ABCB1: variants seen among roughly 807,000 people sequenced by gnomAD.
ABCB1 encodes ATP binding cassette subfamily B member 1.
A neutral mutation model predicts 142.0 loss-of-function variants in ABCB1; 69 were observed. The ratio of observed to expected loss-of-function variants is 0.49; its 90% CI spans 0.40 to 0.59. ABCB1 has a LOEUF of 0.59. Ranked by LOEUF, ABCB1 falls within the 20% of genes least tolerant of loss-of-function variation. The pLI, the probability that ABCB1 is intolerant of heterozygous loss-of-function variation, is 0.00. For synonymous variants in ABCB1, 532 were observed against 539.2 expected (o/e 0.99, Z 0.18); for missense variants, 1,326 against 1,554.7 (o/e 0.85, Z 2.47).
rs577945175 is a variant in ABCB1 at position 87,702,006 on chromosome 7, G to A, written c.-331+11155C>T. Among the ~76,000 whole-genome samples the A allele has an allele frequency of 5.8e-4, 88 of 151,700 alleles. No individual in the cohort carries two copies. The South Asian group carries it at 9.8e-3, about 17-fold the overall frequency. On this transcript the variant is annotated intron_variant, in intron 1 of 28. Coordinates refer to the ABCB1 transcript ENST00000265724. The stretch of plus-strand genomic sequence containing the variant: ...AAAATATAAAAAATTAGCCAGGCGT[G>A]GTGGTGGGCACCTGTAATCCCAGCT...
intron 8 of ABCB1, among the ~76,000 whole-genome samples, chr7:87,556,394 T>C (rs1278896185): frequency 6.6e-6 from 1 of 152,188 alleles, no homozygotes; most frequent in Non-Finnish European, 1.5e-5. Context: ...GAATGGAATT[T>C]ATTTTAACTT....
rs185988672 is a variant in ABCB1 at position 87,550,890 on chromosome 7, T to A, written c.1000-52A>T. On this transcript the variant is annotated intron_variant, in intron 9 of 27. Transcript: ENST00000622132. ...GGCTACTGAGATAGTGACAGCAATT[T>A]TTTTTCATACTTCTTCTGTCTTTTT... is the stretch of plus-strand genomic sequence containing the variant. 4.5e-6 allele frequency: 5 copies of A among 1,122,868 alleles called. No individual in the cohort carries two copies. In the East Asian group the frequency reaches 1.2e-4, roughly 26 times the overall value. The allele number at this position is 1,122,868 out of a possible 1,614,324, so 69.6% of individuals were successfully genotyped here.
At chr7:87,553,306 AT>A (rs1817161419) in intron 9 of ABCB1, among the ~76,000 whole-genome samples, 1 of 143,298 alleles carries the variant, frequency 7.0e-6, no homozygotes, top group Non-Finnish European at 1.5e-5. Flanking sequence ...GATGCATCTA[AT>A]TTTTTTCCAC....
At chr7:87,547,298 T>C (rs1816824237) in intron 14 of ABCB1, among the ~76,000 whole-genome samples, 1 of 152,340 alleles carries the variant, frequency 6.6e-6, no homozygotes, top group East Asian at 1.9e-4. Flanking sequence ...TCAATTTTTG[T>C]ATCTTTTTAA....
chr7:87,514,294 C>T (rs1402522416), intron 25 of ABCB1, among the ~76,000 whole-genome samples: 1 of 152,164 alleles, frequency 6.6e-6, no homozygotes, highest in Non-Finnish European at 1.5e-5. Flanking sequence ...TTTTAAATAT[C>T]ACTTCTCAGT....
At chr7:87,645,453 A>G (rs1822907755) in intron 1 of ABCB1, among the ~76,000 whole-genome samples, 1 of 152,128 alleles carries the variant, frequency 6.6e-6, no homozygotes, top group African/African-American at 2.4e-5. Flanking sequence ...AATCTTTTTA[A>G]ATAGAGACAT....
At chr7:87,589,607 G>T (rs540018382) in intron 3 of ABCB1, among the ~76,000 whole-genome samples, 72 of 152,092 alleles carry the variant, frequency 4.7e-4, no homozygotes, top group African/African-American at 1.6e-3. Flanking sequence ...CAACATAGGA[G>T]ACCCTCTCTC....
chr7:87,537,496 G>GGCTT (rs1278439826), intron 19 of ABCB1, among the ~76,000 whole-genome samples: 2 of 152,176 alleles, frequency 1.3e-5, no homozygotes, highest in African/African-American at 2.4e-5. Flanking sequence ...AGTCAAAGAT[G>GGCTT]GCTTCAAGGT....
At chr7:87,644,413 G>A (rs1430605536) in intron 1 of ABCB1, among the ~76,000 whole-genome samples, 1 of 152,188 alleles carries the variant, frequency 6.6e-6, no homozygotes, top group Non-Finnish European at 1.5e-5. Context: ...TAACAGCAAT[G>A]ACATATAATA....
At chr7:87,663,260 T>C (rs1194128840) in intron 1 of ABCB1, among the ~76,000 whole-genome samples, 4 of 152,130 alleles carry the variant, frequency 2.6e-5, no homozygotes, top group Non-Finnish European at 1.5e-5. Flanking sequence ...ATCCCTCTTA[T>C]TTTATTGTAA....
chr7:87,602,292 C>CTTTT (rs59849542), upstream of ABCB1, among the ~76,000 whole-genome samples: 51 of 92,390 alleles, frequency 5.5e-4, no homozygotes, highest in African/African-American at 1.5e-3. Context: ...AGCTCGGCCT[C>CTTTT]TTTTTTTTTT....
chr7:87,671,011 A>G (rs188175105), intron 1 of ABCB1, among the ~76,000 whole-genome samples: 1 of 152,174 alleles, frequency 6.6e-6, no homozygotes, highest in African/African-American at 2.4e-5. Flanking sequence ...GCAGCAGAGA[A>G]AGGGATCTTA....
intron 1 of ABCB1, among the ~76,000 whole-genome samples, chr7:87,712,255 G>A (rs190263502): frequency 6.6e-6 from 1 of 152,030 alleles, no homozygotes; most frequent in Admixed American, 6.6e-5. Context: ...CATGACACTC[G>A]AGATATTTCT....
chr7:87,696,450 T>C (rs1041218220), intron 1 of ABCB1, among the ~76,000 whole-genome samples: 1 of 152,194 alleles, frequency 6.6e-6, no homozygotes, highest in African/African-American at 2.4e-5. Context: ...ATATCGCAGA[T>C]AACTCATTGA....
chr7:87,631,285 G>C (rs1821190740), intron 1 of ABCB1, among the ~76,000 whole-genome samples: 1 of 152,170 alleles, frequency 6.6e-6, no homozygotes, highest in African/African-American at 2.4e-5. Context: ...GACAAATTAA[G>C]AAAAATGAAT....
intron 8 of ABCB1, among the ~76,000 whole-genome samples, chr7:87,560,511 A>G (rs1181029169): frequency 6.6e-6 from 1 of 152,174 alleles, no homozygotes; most frequent in Non-Finnish European, 1.5e-5. Flanking sequence ...GCTAACCATT[A>G]TTCTGATTTC....
intron 17 of ABCB1, among the ~76,000 whole-genome samples, chr7:87,543,187 A>G (rs1816615446): frequency 6.6e-6 from 1 of 152,142 alleles, no homozygotes; most frequent in African/African-American, 2.4e-5. Context: ...CCAGCTACAC[A>G]GGAGGCTGAG....
chr7:87,534,035 G>A (rs1335513212), intron 20 of ABCB1, among the ~76,000 whole-genome samples: 1 of 152,158 alleles, frequency 6.6e-6, no homozygotes, highest in African/African-American at 2.4e-5. Context: ...AGTGAATATG[G>A]CAAAGGGCCT....
chr7:87,652,623 T>G (rs866247182), intron 1 of ABCB1, among the ~76,000 whole-genome samples: 7 of 139,460 alleles, frequency 5.0e-5, no homozygotes, highest in African/African-American at 1.9e-4. Flanking sequence ...TGGTCACTGA[T>G]ATATATATAT....
Sources: allele counts gnomAD v4.1 joint callset (sites outside exome capture counted in the v4.1 genomes callset), GRCh38; gene constraint gnomAD v4.1.1; transcripts MANE v1.5; gene names NCBI Gene and HGNC (gene_info 2026-07-23, HGNC 2026-07-21).